The following PTDSS1 variants were observed in gnomAD, a reference collection of about 807,000 sequenced individuals.
The protein encoded by PTDSS1 is phosphatidylserine synthase 1, also known as PSS-1.
In PTDSS1, 45 loss-of-function variants were observed where a neutral mutation model predicts 70.5. The ratio of observed to expected loss-of-function variants is 0.64; its 90% CI spans 0.50 to 0.82. The LOEUF (loss-of-function observed/expected upper bound fraction) is 0.82. Ranked by LOEUF, PTDSS1 falls within the 40% of genes least tolerant of loss-of-function variation. The pLI, the probability that PTDSS1 is intolerant of heterozygous loss-of-function variation, is 0.00. For synonymous variants in PTDSS1, 188 were observed against 203.8 expected (o/e 0.92, Z 0.66); for missense variants, 417 against 586.1 (o/e 0.71, Z 2.98).
chr8:96,284,004 G>T, intron 2 of PTDSS1, 105 bp from the exon 3 acceptor site: 1 of 877,660 alleles, frequency 1.1e-6, no homozygotes, highest in Non-Finnish European at 1.7e-6. Flanking sequence ...TTTAACAGTA[G>T]AGAGCTTTTT....
chr8:96,291,504 AGT>A lies in PTDSS1; in HGVS notation c.442-3591_442-3590del, dbSNP rs1261058565. Among the ~76,000 whole-genome samples the A allele has an allele frequency of 2.0e-5, 3 of 146,464 alleles. No individual in the cohort carries two copies. The Admixed American group carries it at 2.1e-4, about 10-fold the overall frequency. The stretch of plus-strand genomic sequence containing the variant: ...ACTGAACAGTGAACAGTACGCAGTG[AGT>A]GTTGACATTTCTGCAGTCGCTTCGT... On this transcript the variant is annotated intron_variant, in intron 4 of 12. Transcript: ENST00000517309.
At chr8:96,284,071 C>T in intron 2 of PTDSS1, 38 bp from the exon 3 acceptor site, 1 of 1,547,308 alleles carries the variant, frequency 6.5e-7, no homozygotes, top group East Asian at 2.3e-5. Context: ...TTCTCTGAAA[C>T]CAGTTCCTTC....
intron 9 of PTDSS1, among the ~76,000 whole-genome samples, chr8:96,317,281 C>T (rs1213730994): frequency 1.3e-5 from 2 of 151,980 alleles, no homozygotes; most frequent in Non-Finnish European, 2.9e-5. Context: ...CTGGGACTCT[C>T]CACACTTATG....
Position 96,263,210 on chromosome 8 carries a change from C to G in PTDSS1, c.179+991C>G, listed in dbSNP as rs989945081. Among the ~76,000 whole-genome samples, 3 of 152,230 alleles carry G rather than the reference C, an allele frequency of 2.0e-5. No homozygotes were observed. The East Asian group carries it at 5.8e-4, about 29-fold the overall frequency. On this transcript the variant is annotated intron_variant, in intron 1 of 12. Coordinates refer to ENST00000517309, the MANE Select transcript of PTDSS1 (RefSeq NM_014754.3). Reference sequence around the variant, plus strand: ...ATCTTGAACACACCTCATGTTAACTCTGGCACTGCGCCTGTGGCTCCTCAT... The same window carrying G: ...ATCTTGAACACACCTCATGTTAACTGTGGCACTGCGCCTGTGGCTCCTCAT...
At chr8:96,272,059 T>C (rs1005633347) in intron 1 of PTDSS1, among the ~76,000 whole-genome samples, 4 of 152,208 alleles carry the variant, frequency 2.6e-5, no homozygotes, top group African/African-American at 9.6e-5. Context: ...TATTTGTTTT[T>C]CTGTGTTAAT....
chr8:96,274,505 C>A (rs1392552902), intron 2 of PTDSS1, among the ~76,000 whole-genome samples: 1 of 152,106 alleles, frequency 6.6e-6, no homozygotes. Flanking sequence ...GTGGGCGGAT[C>A]AGCTGAGGTC....
intron 1 of PTDSS1, among the ~76,000 whole-genome samples, chr8:96,264,622 G>A (rs915456444): frequency 6.6e-6 from 1 of 152,158 alleles, no homozygotes; most frequent in Non-Finnish European, 1.5e-5. Flanking sequence ...TGAGAAGCAA[G>A]AATGAGCCAT....
At chr8:96,302,484 A>T (rs1234542289) in intron 6 of PTDSS1, among the ~76,000 whole-genome samples, 1 of 152,208 alleles carries the variant, frequency 6.6e-6, no homozygotes, top group Admixed American at 6.5e-5. Flanking sequence ...TTTAGGAATG[A>T]TGTGATACTG....
At chr8:96,307,983 C>A (rs192150436) in intron 8 of PTDSS1, among the ~76,000 whole-genome samples, 14 of 152,272 alleles carry the variant, frequency 9.2e-5, no homozygotes, top group African/African-American at 3.4e-4. Context: ...CTTCCTGTGC[C>A]CTTACACTGT....
At chr8:96,301,206 T>C (rs1586197837) in intron 6 of PTDSS1, among the ~76,000 whole-genome samples, 1 of 152,190 alleles carries the variant, frequency 6.6e-6, no homozygotes, top group Admixed American at 6.5e-5. Flanking sequence ...CTCGGCTCGC[T>C]GCAGCCTCCG....
At chr8:96,271,585 A>G (rs1810566629) in intron 1 of PTDSS1, among the ~76,000 whole-genome samples, 1 of 152,210 alleles carries the variant, frequency 6.6e-6, no homozygotes, top group African/African-American at 2.4e-5. Context: ...TTGCTGAGTC[A>G]CAGAGCATAT....
chr8:96,289,618 A>G (rs1009379030), intron 4 of PTDSS1, among the ~76,000 whole-genome samples: 1 of 152,176 alleles, frequency 6.6e-6, no homozygotes, highest in African/African-American at 2.4e-5. Flanking sequence ...TTTTAATCCC[A>G]ACATTTGGTA....
At chr8:96,330,305 G>T in intron 11 of PTDSS1, 24 bp downstream of exon 11, 1 of 1,593,678 alleles carries the variant, frequency 6.3e-7, no homozygotes. Flanking sequence ...GGCAGGCATG[G>T]CCATTGTTTA....
chr8:96,331,263 C>T (rs920861875), intron 12 of PTDSS1, among the ~76,000 whole-genome samples, 168 bp downstream of exon 12: 1 of 152,176 alleles, frequency 6.6e-6, no homozygotes, highest in African/African-American at 2.4e-5. Context: ...CACGGTGGCT[C>T]ACGCCTGTAA....
In PTDSS1 at chr8:96,320,252, T is replaced by C; in HGVS notation, c.1080T>C (p.Ile360=). ...CTGTTCTCTGTCTAATTAGGGTCATTGGTTTCCTGGAGGCCATTGTTTGCA... is the reference window on the plus strand; with the variant it reads ...CTGTTCTCTGTCTAATTAGGGTCATCGGTTTCCTGGAGGCCATTGTTTGCA... ...VGTQCWVFGV[I]GFLEAIVCIK... is the part of the protein sequence containing the mutation. Residue 360 remains isoleucine, a synonymous_variant, in exon 10 of 13, where the codon ATT becomes ATC. Coordinates refer to ENST00000517309, the MANE Select transcript of PTDSS1 (RefSeq NM_014754.3). 1 of 1,603,200 alleles carries C rather than the reference T, an allele frequency of 6.2e-7. No individual in the cohort carries two copies. The highest frequency in any genetic ancestry group is 8.5e-7 in the Non-Finnish European group (1 of 1,170,054).
chr8:96,264,015 A>C (rs573277635), intron 1 of PTDSS1, among the ~76,000 whole-genome samples: 3 of 152,346 alleles, frequency 2.0e-5, no homozygotes, highest in East Asian at 1.9e-4. Context: ...TTAATGATTG[A>C]GGGATCTTGC....
chr8:96,330,178 T>A, intron 10 of PTDSS1, 35 bp from the exon 11 acceptor site: 7 of 1,580,376 alleles, frequency 4.4e-6, no homozygotes, highest in Non-Finnish European at 6.1e-6. Flanking sequence ...GAAATTGAAC[T>A]TTTTTGTGCA....
Position 96,283,869 on chromosome 8 carries a change from A to G in PTDSS1, c.272-240A>G, listed in dbSNP as rs567051410. 9.3e-4 allele frequency: 416 copies of G among 448,862 alleles called. 1 individual carries two copies. The highest frequency in any genetic ancestry group is 1.4e-3 in the Non-Finnish European group (366 of 255,844). The allele number at this position is 448,862 out of a possible 1,614,324, so 27.8% of individuals were successfully genotyped here. A position where few individuals can be genotyped will look rare whatever the true frequency, so the allele number is the denominator to read the frequency against. ...TTCTGACTTCTCAAGACAAAGCTTTATAAAAAATCTCTGTTGTGGAGAGTG... is the reference window on the plus strand; with the variant it reads ...TTCTGACTTCTCAAGACAAAGCTTTGTAAAAAATCTCTGTTGTGGAGAGTG... On this transcript the variant is annotated intron_variant, in intron 2 of 12. Transcript: ENST00000517309.
intron 2 of PTDSS1, among the ~76,000 whole-genome samples, chr8:96,278,913 C>T (rs1810689301): frequency 6.6e-6 from 1 of 151,254 alleles, no homozygotes; most frequent in Non-Finnish European, 1.5e-5. Flanking sequence ...AAAAAGTTCA[C>T]AGAACAAGAC....
Sources: gnomAD v4.1 joint callset for allele counts (sites outside exome capture counted in the v4.1 genomes callset) on GRCh38, gnomAD v4.1.1 for gene constraint, MANE v1.5 for transcripts, NCBI Gene and HGNC (gene_info 2026-07-23, HGNC 2026-07-21) for gene names.